The following LCT variants were observed in gnomAD, a reference collection of about 807,000 sequenced individuals.
The protein encoded by LCT is lactase.
A neutral mutation model predicts 173.0 loss-of-function variants in LCT; 90 were observed. That is an observed-to-expected ratio of 0.52 (90% CI 0.44 to 0.62). LCT has a LOEUF of 0.62. Ranked by LOEUF, LCT falls within the 20% of genes least tolerant of loss-of-function variation. The pLI, the probability that LCT is intolerant of heterozygous loss-of-function variation, is 0.00. For synonymous variants in LCT, 853 were observed against 957.6 expected (o/e 0.89, Z 2.02); for missense variants, 1,864 against 2,431.4 (o/e 0.77, Z 4.91).
intron 7 of LCT, among the ~76,000 whole-genome samples, chr2:135,810,769 G>A (rs1164228628): frequency 6.7e-6 from 1 of 150,374 alleles, no homozygotes; most frequent in African/African-American, 2.4e-5. Context: ...GCTCACGCCT[G>A]TAATCCCAGT....
chr2:135,827,706 T>C (rs911528845), intron 3 of LCT, among the ~76,000 whole-genome samples: 14 of 152,274 alleles, frequency 9.2e-5, no homozygotes, highest in African/African-American at 2.9e-4. Flanking sequence ...CTATCTAATA[T>C]GGTCGCTGAT....
chr2:135,826,126 G>A (rs1444039543), intron 3 of LCT, among the ~76,000 whole-genome samples: 1 of 152,224 alleles, frequency 6.6e-6, no homozygotes, highest in African/African-American at 2.4e-5. Flanking sequence ...ACCCAAGGAA[G>A]TAAAAGGAAT....
In LCT at chr2:135,818,067, G is replaced by A. The variant is rs2077796494; in HGVS notation, c.987-6C>T. 1 of 1,613,154 alleles carries A rather than the reference G, an allele frequency of 6.2e-7. No homozygotes were observed. The highest frequency in any genetic ancestry group is 8.5e-7 in the Non-Finnish European group (1 of 1,180,040). On this transcript the variant is annotated splice_polypyrimidine_tract_variant and splice_region_variant and intron_variant, in intron 5 of 16. Coordinates refer to ENST00000264162, the MANE Select transcript of LCT (RefSeq NM_002299.4). Reference sequence around the variant, plus strand: ...CAGTCAGAGAACAAGACATGCTGCAGGATTGAAGGGACAAAAAGGGACATA... The same window carrying A: ...CAGTCAGAGAACAAGACATGCTGCAAGATTGAAGGGACAAAAAGGGACATA...
intron 14 of LCT, among the ~76,000 whole-genome samples, chr2:135,794,012 C>T (rs185862929): frequency 3.8e-3 from 574 of 150,542 alleles, no homozygotes; most frequent in Middle Eastern, 0.018. Context: ...TGGAGGTACG[C>T]GCCTGTAATC....
chr2:135,833,216 G>C (rs983513804), intron 1 of LCT, 26 bp from the exon 2 acceptor site: 1 of 1,569,664 alleles, frequency 6.4e-7, no homozygotes, highest in Admixed American at 1.7e-5. Context: ...GACACGAACA[G>C]CAGGTGAGCG....
intron 5 of LCT, chr2:135,821,790 C>G: frequency 3.7e-6 from 2 of 539,690 alleles, no homozygotes; most frequent in South Asian, 4.1e-5. Flanking sequence ...ATGCTAGTTG[C>G]GCACAGTTGG....
At chr2:135,810,900 G>C (rs2077729670) in intron 7 of LCT, among the ~76,000 whole-genome samples, 1 of 151,982 alleles carries the variant, frequency 6.6e-6, no homozygotes, top group Non-Finnish European at 1.5e-5. Context: ...GGTGACGGGA[G>C]CCTGTAGTCC....
chr2:135,835,976 G>GTGTATATATATA (rs1553436126), intron 1 of LCT, among the ~76,000 whole-genome samples: 3 of 80,460 alleles, frequency 3.7e-5, no homozygotes, highest in East Asian at 4.6e-4. Flanking sequence ...ATACATGTGT[G>GTGTATATATATA]TATATATATA....
At position 135,790,657 on chromosome 2, in the gene LCT, C is replaced by G; in HGVS notation, c.5335+1G>C. Reference sequence around the variant, plus strand: ...GCTGGGGAAGGGCGGGCCCGTCGTACCTTTGAGGGCCTCATTGATGTAAGT... The same window carrying G: ...GCTGGGGAAGGGCGGGCCCGTCGTAGCTTTGAGGGCCTCATTGATGTAAGT... On this transcript the variant is annotated splice_donor_variant, in intron 15 of 16. Coordinates refer to ENST00000264162, the MANE Select transcript of LCT (RefSeq NM_002299.4). LOFTEE classifies it high-confidence loss of function. This position sits in a 1 kb window ranked among gnomAD's most constrained non-coding sequence, Gnocchi z 4.1. 2.5e-6 allele frequency: 4 copies of G among 1,602,404 alleles called. No homozygotes were observed. Among genetic ancestry groups the G allele is most frequent in the Non-Finnish European group, 3.4e-6 (4 of 1,170,748 alleles).
rs775395005 is a variant in LCT, at chr2:135,807,247, C to T, written c.4054G>A (p.Ala1352Thr). The T allele has an allele frequency of 2.0e-5, 32 of 1,614,054 alleles. No individual in the cohort carries two copies. In the Admixed American group the frequency reaches 4.7e-4, roughly 24 times the overall value. The change falls in exon 9 of 17, where the codon GCC becomes ACC. Residue 1352 changes from alanine (A) to threonine (T), a missense_variant. Physicochemically the swap from Ala to Thr is moderately conservative, Grantham distance 58. This residue lies in a region of LCT where 514 missense variants were observed against 750.1 expected (regional missense o/e 0.69). Coordinates refer to ENST00000264162, the MANE Select transcript of LCT (RefSeq NM_002299.4). Reference protein sequence around the residue: ...TNRPRTARASARYYTEVITNN... With the variant: ...TNRPRTARASTRYYTEVITNN... ...GTAATGACCTCTGTGTAGTACCTGGCGGAGGCTCTTGCTGTGCGAGGCCTG... is the reference window on the plus strand; with the variant it reads ...GTAATGACCTCTGTGTAGTACCTGGTGGAGGCTCTTGCTGTGCGAGGCCTG...
chr2:135,796,059 T>G (rs1170526979), intron 13 of LCT, among the ~76,000 whole-genome samples: 1 of 152,222 alleles, frequency 6.6e-6, no homozygotes, highest in Non-Finnish European at 1.5e-5. Flanking sequence ...GAACTTTGGC[T>G]TCTTAACCTG....
In LCT at chr2:135,817,842, G is replaced by A. The variant is rs148959696; in HGVS notation, c.1206C>T (p.Ala402=). 761 of 1,613,994 alleles carry A rather than the reference G, an allele frequency of 4.7e-4. 4 individuals carry two copies. In the African/African-American group the frequency reaches 9.2e-3, roughly 19 times the overall value. ...TGAFNVEGGW[A]EGGRGVSIWD... is the part of the protein sequence containing the mutation. Reference sequence around the variant, plus strand: ...AGATGCTCACCCCTCTCCCACCCTCGGCCCAGCCTCCTTCCACGTTAAAGG... The same window carrying A: ...AGATGCTCACCCCTCTCCCACCCTCAGCCCAGCCTCCTTCCACGTTAAAGG... The change falls in exon 6 of 17, where the codon GCC becomes GCT. Residue 402 remains alanine, a synonymous_variant. Transcript: ENST00000264162.
At chr2:135,836,019 T>TATATATA (rs1444886921) in intron 1 of LCT, among the ~76,000 whole-genome samples, 1 of 110,470 alleles carries the variant, frequency 9.1e-6, no homozygotes, top group East Asian at 2.8e-4. Context: ...TATATATGTA[T>TATATATA]ACATATTTTT....
At position 135,787,979 on chromosome 2, in the gene LCT, GT is replaced by G; in HGVS notation, c.*344del. The G allele has an allele frequency of 3.1e-6, 1 of 327,120 alleles. No homozygotes were observed. Among genetic ancestry groups the G allele is most frequent in the Non-Finnish European group, 5.8e-6 (1 of 171,440 alleles). The allele number at this position is 327,120 out of a possible 1,614,324, so 20.3% of individuals were successfully genotyped here. A position where few individuals can be genotyped will look rare whatever the true frequency, so the allele number is the denominator to read the frequency against. On this transcript the variant is annotated 3_prime_UTR_variant, in exon 17 of 17. Transcript: ENST00000264162. ...TCTTCTTATAGGAAGGATTTTTACG[GT>G]TTTTGCTCCCTTAACAACCCTTAAC...
intron 1 of LCT, among the ~76,000 whole-genome samples, 163 bp downstream of exon 1, chr2:135,836,367 G>A (rs1482300971): frequency 1.3e-5 from 2 of 152,062 alleles, no homozygotes; most frequent in African/African-American, 2.4e-5. Flanking sequence ...CCTTCCTATC[G>A]CCAGTGGGAA....
In LCT at chr2:135,790,635, G is replaced by A. The variant is rs752274931; in HGVS notation, c.5335+23C>T. 1 of 1,480,252 alleles carries A rather than the reference G, an allele frequency of 6.8e-7. No homozygotes were observed. The highest frequency in any genetic ancestry group is 1.7e-5 in the Admixed American group (1 of 59,836). 91.7% of individuals were successfully genotyped at this position (1,480,252 alleles called of 1,614,324 possible). ...TTTCCAACAGGGGAAGGTGCACGCT[G>A]GGGAAGGGCGGGCCCGTCGTACCTT... is the stretch of plus-strand genomic sequence containing the variant. On this transcript the variant is annotated intron_variant, in intron 15 of 16. Transcript: ENST00000264162. This position sits in a 1 kb window ranked among gnomAD's most constrained non-coding sequence, Gnocchi z 4.1.
chr2:135,836,637 A>G lies in LCT; in HGVS notation c.533T>C (p.Val178Ala). Residue 178 changes from valine to alanine, a missense_variant, in exon 1 of 17, where the codon GTG (valine) becomes GCG (alanine). Around this residue, in one of 4 missense-constraint regions of LCT, gnomAD observed 412 missense variants for 462.0 expected, o/e 0.89. Transcript: ENST00000264162. Reference sequence around the variant, plus strand: ...TTCCTGGTGGGGAAGCTCCTTGATCACTTCCTCCAAGTCACTGAAGGTGAA... The same window carrying G: ...TTCCTGGTGGGGAAGCTCCTTGATCGCTTCCTCCAAGTCACTGAAGGTGAA... ...IWFTFSDLEE[V>A]IKELPHQESR... 2 of 1,614,098 alleles carry G rather than the reference A, an allele frequency of 1.2e-6. No individual in the cohort carries two copies. The highest frequency in any genetic ancestry group is 1.7e-6 in the Non-Finnish European group (2 of 1,179,980).
intron 11 of LCT, 147 bp from the exon 12 acceptor site, chr2:135,800,956 T>C (rs1347142802): frequency 2.5e-5 from 17 of 692,558 alleles, no homozygotes; most frequent in Non-Finnish European, 3.9e-5. Context: ...AAACCCTGGC[T>C]CTCCCTCTTA....
intron 3 of LCT, among the ~76,000 whole-genome samples, chr2:135,824,810 C>T (rs1393843194): frequency 1.3e-5 from 2 of 151,966 alleles, no homozygotes; most frequent in Non-Finnish European, 2.9e-5. Context: ...TGAGACCAGC[C>T]TGATCAACAT....
Sources: gnomAD v4.1 joint callset for allele counts (sites outside exome capture counted in the v4.1 genomes callset) on GRCh38, gnomAD v4.1.1 for gene constraint, gnomAD v4.1.1 regional missense constraint, Gnocchi (gnomAD v3.1) non-coding constraint, MANE v1.5 for transcripts, NCBI Gene and HGNC (gene_info 2026-07-23, HGNC 2026-07-21) for gene names.